The following NELL1 variants were observed in gnomAD, a reference collection of about 807,000 sequenced individuals.
NELL1 encodes neural EGFL like 1, also known as protein kinase C-binding protein NELL1.
NELL1 carries 76 observed loss-of-function variants against 107.4 expected under a neutral mutation model. The observed-to-expected ratio is 0.71, with a 90% CI of 0.59 to 0.86. NELL1 has a LOEUF of 0.86. Ranked by LOEUF, NELL1 falls within the 40% of genes least tolerant of loss-of-function variation. The pLI is 0.00. For missense variants in NELL1, 1,024 were observed against 1,005.5 expected (o/e 1.02, Z -0.25); for synonymous variants, 353 against 341.2 (o/e 1.03, Z -0.38).
At chr11:20,699,438 G>T (rs985165403) in intron 2 of NELL1, among the ~76,000 whole-genome samples, 5 of 151,208 alleles carry the variant, frequency 3.3e-5, no homozygotes, top group Non-Finnish European at 7.4e-5. Context: ...TCCGCTCACT[G>T]CAACCTCTAC....
At chr11:21,405,336 G>A (rs1401678913) in intron 15 of NELL1, among the ~76,000 whole-genome samples, 1 of 151,942 alleles carries the variant, frequency 6.6e-6, no homozygotes, top group African/African-American at 2.4e-5. Flanking sequence ...GAGTATTTTG[G>A]CTTTGGTTCA....
At chr11:20,960,670 T>C (rs1026250800) in intron 12 of NELL1, 110 bp downstream of exon 12, 3 of 1,208,814 alleles carry the variant, frequency 2.5e-6, no homozygotes, top group African/African-American at 1.5e-5. Flanking sequence ...TCCTATGCAA[T>C]CCTATAAGAA....
chr11:21,400,947 G>A (rs1852083397), intron 15 of NELL1, among the ~76,000 whole-genome samples: 1 of 151,900 alleles, frequency 6.6e-6, no homozygotes, highest in South Asian at 2.1e-4. Flanking sequence ...TCTGGCCTGT[G>A]TCAGTTACAC....
At chr11:21,499,866 A>G (rs1308368939) in intron 15 of NELL1, among the ~76,000 whole-genome samples, 3 of 152,088 alleles carry the variant, frequency 2.0e-5, no homozygotes, top group Non-Finnish European at 4.4e-5. Context: ...GTCTTATTAC[A>G]TTTCAAACTC....
At chr11:20,679,512 C>T (rs1028381533) in intron 2 of NELL1, among the ~76,000 whole-genome samples, 1 of 152,150 alleles carries the variant, frequency 6.6e-6, no homozygotes, top group African/African-American at 2.4e-5. Flanking sequence ...TTATATGTAA[C>T]AAGACTATGG....
chr11:21,499,993 G>A (rs1855094245), intron 15 of NELL1, among the ~76,000 whole-genome samples: 1 of 152,138 alleles, frequency 6.6e-6, no homozygotes, highest in African/African-American at 2.4e-5. Context: ...AGAAGGAATA[G>A]ATAGTTGGAT....
intron 12 of NELL1, among the ~76,000 whole-genome samples, chr11:21,025,220 A>AT (rs1177180767): frequency 2.0e-5 from 3 of 152,084 alleles, no homozygotes; most frequent in Non-Finnish European, 4.4e-5. Flanking sequence ...TAATAATTAT[A>AT]AAAACCATAG....
intron 14 of NELL1, among the ~76,000 whole-genome samples, chr11:21,293,606 A>G (rs1447621257): frequency 1.3e-5 from 2 of 152,202 alleles, no homozygotes; most frequent in Admixed American, 6.5e-5. Flanking sequence ...TTTGTAAGTC[A>G]TTCTACTATA....
rs1279500629 is a variant in NELL1, at chr11:20,740,989, T to A, written c.185-42691T>A. Among the ~76,000 whole-genome samples, 9 of 152,286 alleles carry A rather than the reference T, an allele frequency of 5.9e-5. 1 individual carries two copies. The East Asian group carries it at 1.5e-3, about 26-fold the overall frequency. On this transcript the variant is annotated intron_variant, in intron 2 of 19. Transcript: ENST00000357134. ...CTGCTTTCTGCAGATTTAACTTTTT[T>A]AAAAGGGCTTCAACCTGCTTTTTCA...
At chr11:20,940,176 C>T (rs556479405) in intron 10 of NELL1, among the ~76,000 whole-genome samples, 4 of 151,882 alleles carry the variant, frequency 2.6e-5, no homozygotes, top group East Asian at 3.9e-4. Context: ...TCCCTCCCTT[C>T]CTCCCTCCCT....
chr11:21,374,582 G>A (rs940304198), intron 15 of NELL1, among the ~76,000 whole-genome samples: 1 of 152,040 alleles, frequency 6.6e-6, no homozygotes, highest in African/African-American at 2.4e-5. Flanking sequence ...CACACTCAAG[G>A]AGAGAGGAAT....
chr11:20,811,732 A>T (rs924350774), intron 3 of NELL1, among the ~76,000 whole-genome samples: 1 of 152,050 alleles, frequency 6.6e-6, no homozygotes, highest in Non-Finnish European at 1.5e-5. Context: ...TTCTTTTTCA[A>T]ATAATCAATT....
chr11:21,073,430 G>A (rs561148096), intron 12 of NELL1, among the ~76,000 whole-genome samples: 182 of 152,284 alleles, frequency 1.2e-3, no homozygotes, highest in Non-Finnish European at 1.5e-3. Context: ...ATATATGGAC[G>A]TCAGCAAGTA....
At chr11:21,077,062 T>C (rs1366980468) in intron 12 of NELL1, among the ~76,000 whole-genome samples, 1 of 152,040 alleles carries the variant, frequency 6.6e-6, no homozygotes, top group African/African-American at 2.4e-5. Flanking sequence ...CAACCCACCT[T>C]CCCATTTTAA....
chr11:20,710,977 C>G (rs542201787), intron 2 of NELL1, among the ~76,000 whole-genome samples: 1 of 151,852 alleles, frequency 6.6e-6, no homozygotes, highest in East Asian at 1.9e-4. Flanking sequence ...AAAGAATCAG[C>G]TTTTTGTTTT....
chr11:21,561,666 A>G (rs1373779747), intron 17 of NELL1, among the ~76,000 whole-genome samples: 3 of 152,112 alleles, frequency 2.0e-5, no homozygotes, highest in Admixed American at 6.6e-5. Flanking sequence ...CTCTACGATG[A>G]TATTTATTGG....
intron 14 of NELL1, among the ~76,000 whole-genome samples, chr11:21,307,550 GC>G (rs1232864176): frequency 2.0e-5 from 3 of 151,904 alleles, no homozygotes; most frequent in African/African-American, 7.3e-5. Context: ...TTTAAACTCA[GC>G]CAAGCATGGT....
At chr11:21,546,652 C>T (rs1313333602) in intron 16 of NELL1, among the ~76,000 whole-genome samples, 1 of 151,956 alleles carries the variant, frequency 6.6e-6, no homozygotes, top group South Asian at 2.1e-4. Flanking sequence ...CCTTTGCCTT[C>T]ATCATGATGG....
At chr11:21,282,073 A>G (rs531240263) in intron 14 of NELL1, among the ~76,000 whole-genome samples, 3 of 152,354 alleles carry the variant, frequency 2.0e-5, no homozygotes, top group South Asian at 4.1e-4. Flanking sequence ...TACAGATGGG[A>G]GAAAATATTT....
Sources: gnomAD v4.1 joint callset for allele counts (sites outside exome capture counted in the v4.1 genomes callset) on GRCh38, gnomAD v4.1.1 for gene constraint, MANE v1.5 for transcripts, NCBI Gene and HGNC (gene_info 2026-07-23, HGNC 2026-07-21) for gene names.